The following DMD variants were observed in gnomAD, a reference collection of about 807,000 sequenced individuals.
DMD encodes mutant dystrophin.
Under a neutral mutation model 330.1 loss-of-function variants are expected in DMD, and 63 were observed. The ratio of observed to expected loss-of-function variants is 0.19; its 90% confidence interval spans 0.16 to 0.24. The LOEUF is 0.24. Ranked by LOEUF, DMD falls within the 10% of genes least tolerant of loss-of-function variation. The pLI is 1.00. For missense variants in DMD, 3,344 were observed against 2,684.1 expected, an observed-to-expected ratio of 1.25 and a Z score of -5.43; for synonymous variants, 1,223 against 959.8, an observed-to-expected ratio of 1.27 and a Z score of -5.07.
At chrX:32,135,988 G>A (rs1045776451) in intron 44 of DMD, among the ~76,000 whole-genome samples, 14 of 111,216 alleles carry the variant, frequency 1.3e-4, no homozygotes, top group Non-Finnish European at 1.9e-4. Flanking sequence ...TTTAGAATTC[G>A]TTGTATTAAA....
In DMD at chrX:32,859,844, G is replaced by A. The variant is rs145198373; in HGVS notation, c.94-10024C>T. ...TTTCTTTAAAATTCAACCTTTAATG[G>A]CTTCCTTTTCAAGTGTATGAGAACT... On this transcript the variant is annotated intron_variant, in intron 2 of 78. Coordinates refer to ENST00000357033, the MANE Select transcript of DMD (RefSeq NM_004006.3). Among the ~76,000 whole-genome samples, 103 of 110,737 alleles carry A rather than the reference G, an allele frequency of 9.3e-4. 1 individual carries two copies. The highest frequency in any genetic ancestry group is 3.3e-3 in the African/African-American group (99 of 30,449).
chrX:33,264,369 G>C (rs984848570), intron 1 of DMD, among the ~76,000 whole-genome samples: 1 of 111,582 alleles, frequency 9.0e-6, no homozygotes, highest in African/African-American at 3.2e-5. Flanking sequence ...AGATTAGAAA[G>C]ATGTGTTCTA....
chrX:33,144,980 G>A (rs188785394), intron 1 of DMD, among the ~76,000 whole-genome samples: 3 of 111,748 alleles, frequency 2.7e-5, no homozygotes, highest in African/African-American at 3.2e-5. Flanking sequence ...TTACCAAGTT[G>A]AAATACGTTC....
At chrX:31,551,179 G>A (rs1313990759) in intron 55 of DMD, among the ~76,000 whole-genome samples, 3 of 58,928 alleles carry the variant, frequency 5.1e-5, no homozygotes, top group African/African-American at 3.1e-4. Flanking sequence ...ACTCCATCTC[G>A]GGAAAAAAAA....
chrX:32,171,306 T>C (rs1036978835), intron 44 of DMD, among the ~76,000 whole-genome samples: 1 of 111,998 alleles, frequency 8.9e-6, no homozygotes, highest in Non-Finnish European at 1.9e-5. Flanking sequence ...CACAGTCAGA[T>C]AGGCAGTTTT....
At chrX:31,950,951 G>T (rs1350403734) in intron 45 of DMD, among the ~76,000 whole-genome samples, 8 of 106,009 alleles carry the variant, frequency 7.5e-5, no homozygotes, top group Admixed American at 5.2e-4. Context: ...GGAATGCTTA[G>T]TTCACTCCCA....
At chrX:32,692,870 T>A (rs1305201700) in intron 9 of DMD, among the ~76,000 whole-genome samples, 2 of 111,473 alleles carry the variant, frequency 1.8e-5, no homozygotes, top group Non-Finnish European at 3.8e-5. Context: ...GGTTGCCGGG[T>A]TTTGAGAACT....
chrX:32,519,558 T>C (rs2046224691), intron 17 of DMD, among the ~76,000 whole-genome samples: 1 of 111,798 alleles, frequency 8.9e-6, no homozygotes, highest in Non-Finnish European at 1.9e-5. Flanking sequence ...TAATTATCTT[T>C]CTGGTTTATA....
chrX:32,824,871 G>A (rs192470503), intron 4 of DMD, among the ~76,000 whole-genome samples: 90 of 111,558 alleles, frequency 8.1e-4, no homozygotes, highest in Non-Finnish European at 1.5e-4. Flanking sequence ...TTACTACATC[G>A]AAGGGGAGAT....
At chrX:31,516,233 T>C (rs1290944690) in intron 55 of DMD, among the ~76,000 whole-genome samples, 3 of 106,887 alleles carry the variant, frequency 2.8e-5, no homozygotes, top group Non-Finnish European at 3.8e-5. Context: ...TTATTGCATG[T>C]TACAAAAGTA....
At chrX:32,406,904 G>A (rs1376776618) in intron 30 of DMD, among the ~76,000 whole-genome samples, 1 of 110,985 alleles carries the variant, frequency 9.0e-6, no homozygotes, top group East Asian at 2.8e-4. Flanking sequence ...AATGGTGCTG[G>A]GAAAACTGGC....
At chrX:32,281,710 C>T (rs1340028026) in intron 43 of DMD, among the ~76,000 whole-genome samples, 2 of 112,063 alleles carry the variant, frequency 1.8e-5, no homozygotes, top group Non-Finnish European at 3.8e-5. Flanking sequence ...CTTTATACAA[C>T]ACTGTGTTCA....
chrX:31,247,618 AAAT>A (rs2048963339), intron 63 of DMD, among the ~76,000 whole-genome samples: 2 of 108,095 alleles, frequency 1.9e-5, no homozygotes, highest in African/African-American at 6.9e-5. Flanking sequence ...AAAAAAAAAA[AAAT>A]CTCTGGAAGT....
chrX:32,803,427 GTTTT>G (rs373415501), intron 7 of DMD, among the ~76,000 whole-genome samples: 1 of 100,400 alleles, frequency 1.0e-5, no homozygotes, highest in South Asian at 4.3e-4. Flanking sequence ...CCTGAATTGA[GTTTT>G]TTTTTTTTAA....
At chrX:31,951,182 T>C (rs1312270899) in intron 45 of DMD, among the ~76,000 whole-genome samples, 2 of 98,396 alleles carry the variant, frequency 2.0e-5, no homozygotes, top group Non-Finnish European at 4.1e-5. Context: ...TATGTATATA[T>C]ATATATCTTA....
chrX:31,436,446 A>G (rs1050204895), intron 60 of DMD, among the ~76,000 whole-genome samples: 1 of 108,680 alleles, frequency 9.2e-6, no homozygotes, highest in African/African-American at 3.4e-5. Context: ...ATCCCCCTGT[A>G]GTTTCACACA....
At position 32,485,086 on chromosome X, in the gene DMD, C is replaced by T. The variant is rs886044267; in HGVS notation, c.2636G>A (p.Arg879Gln). The T allele has an allele frequency of 6.6e-6, 8 of 1,209,038 alleles. No individual in the cohort carries two copies. The highest frequency in any genetic ancestry group is 1.8e-5 in the South Asian group (1 of 56,918). ...QLKICKDEVN[R>Q]LSDLQPQIER... ...AATTTGAGGTTGAAGATCTGATAGC[C>T]GGTTGACTTCATCCTGTGCCATAGA... The change falls in exon 21 of 79, where the codon CGG (arginine) becomes CAG (glutamine). Residue 879 changes from arginine (R) to glutamine (Q), a missense_variant. Arg to Gln is a conservative substitution (Grantham distance 43). Transcript: ENST00000357033.
chrX:31,488,867 A>G (rs1181449047), intron 57 of DMD, among the ~76,000 whole-genome samples: 2 of 111,593 alleles, frequency 1.8e-5, no homozygotes, highest in Non-Finnish European at 3.8e-5. Flanking sequence ...CCTTCCAGTG[A>G]TGTTTCCTTA....
At chrX:31,853,546 T>A (rs1038352793) in intron 48 of DMD, among the ~76,000 whole-genome samples, 1 of 111,784 alleles carries the variant, frequency 8.9e-6, no homozygotes, top group Non-Finnish European at 1.9e-5. Context: ...TCTTTAAATA[T>A]AAAATAAATG....
Sources: gnomAD v4.1 joint callset for allele counts (sites outside exome capture counted in the v4.1 genomes callset) on GRCh38, gnomAD v4.1.1 for gene constraint, MANE v1.5 for transcripts, NCBI Gene and HGNC (gene_info 2026-07-23, HGNC 2026-07-21) for gene names.